Variants in KIAA1958 observed in about 807,000 individuals in gnomAD.
KIAA1958 encodes uncharacterized protein KIAA1958.
A neutral mutation model predicts 47.2 loss-of-function variants in KIAA1958; 14 were observed. The ratio of observed to expected loss-of-function variants is 0.30; its 90% CI spans 0.20 to 0.46. KIAA1958 has a LOEUF of 0.46. Ranked by LOEUF, KIAA1958 falls within the 20% of genes least tolerant of loss-of-function variation. The pLI is 1.00. For missense variants in KIAA1958, 803 were observed against 909.2 expected (o/e 0.88, Z 1.50); for synonymous variants, 354 against 353.3 (o/e 1.00, Z -0.02).
intron 2 of KIAA1958, among the ~76,000 whole-genome samples, chr9:112,626,925 T>TA (rs139259325): frequency 6.6e-6 from 1 of 152,332 alleles, no homozygotes; most frequent in African/African-American, 2.4e-5. Flanking sequence ...TGCTCTTTCA[T>TA]ATGTGTGTTT....
intron 1 of KIAA1958, among the ~76,000 whole-genome samples, chr9:112,487,705 G>A (rs1833886768): frequency 6.6e-6 from 1 of 151,990 alleles, no homozygotes; most frequent in South Asian, 2.1e-4. Flanking sequence ...TTCTCCAAAA[G>A]GCTCTTCCGC....
At chr9:112,578,471 C>T (rs2131178484) in intron 2 of KIAA1958, among the ~76,000 whole-genome samples, 1 of 152,206 alleles carries the variant, frequency 6.6e-6, no homozygotes, top group East Asian at 1.9e-4. Context: ...TGCAGAAATA[C>T]TGCGTATCTT....
chr9:112,497,508 G>C (rs1834065788), intron 1 of KIAA1958, among the ~76,000 whole-genome samples: 1 of 152,162 alleles, frequency 6.6e-6, no homozygotes, highest in South Asian at 2.1e-4. Context: ...CTAGCCTCCA[G>C]AATTGTCAGA....
chr9:112,498,686 A>G (rs1192558908), intron 1 of KIAA1958, among the ~76,000 whole-genome samples: 2 of 152,192 alleles, frequency 1.3e-5, no homozygotes, highest in Non-Finnish European at 2.9e-5. Context: ...TAATATTTCA[A>G]TATGTGTATA....
chr9:112,610,416 C>T (rs1836306150), intron 2 of KIAA1958, among the ~76,000 whole-genome samples: 1 of 151,568 alleles, frequency 6.6e-6, no homozygotes, highest in African/African-American at 2.4e-5. Flanking sequence ...TCTTTCAAAA[C>T]ACGAATAAAG....
rs1165670525 is a variant in KIAA1958, at chr9:112,656,064, G to GA, written c.1345-3194dup. On this transcript the variant is annotated intron_variant, in intron 3 of 3. Coordinates refer to ENST00000337530, the MANE Select transcript of KIAA1958 (RefSeq NM_133465.4). ...CTACATTCTGAGGCTAAGAAGAAAA[G>GA]AAAAACAAAACTTTACAATGCATTT... 3.9e-5 allele frequency among the ~76,000 whole-genome samples: 6 copies of GA among 152,140 alleles called. No homozygotes were observed. The East Asian group carries it at 1.2e-3, about 29-fold the overall frequency.
chr9:112,506,649 ATAT>A (rs1182192530), intron 1 of KIAA1958, among the ~76,000 whole-genome samples: 1 of 150,780 alleles, frequency 6.6e-6, no homozygotes, highest in Admixed American at 6.6e-5. Context: ...TGCAGTGCTG[ATAT>A]TATTTTCTTT....
At chr9:112,658,617 A>G (rs915897327) in intron 3 of KIAA1958, among the ~76,000 whole-genome samples, 1 of 152,170 alleles carries the variant, frequency 6.6e-6, no homozygotes, top group Non-Finnish European at 1.5e-5. Flanking sequence ...TTTAAGCATT[A>G]CAGCCTTGGA....
At chr9:112,507,374 A>G (rs1834250393) in intron 1 of KIAA1958, among the ~76,000 whole-genome samples, 1 of 152,210 alleles carries the variant, frequency 6.6e-6, no homozygotes, top group Non-Finnish European at 1.5e-5. Flanking sequence ...TTTAAGAGAC[A>G]AGTTTTCAGT....
chr9:112,521,276 A>G (rs1834538838), intron 1 of KIAA1958, among the ~76,000 whole-genome samples: 1 of 151,992 alleles, frequency 6.6e-6, no homozygotes, highest in African/African-American at 2.4e-5. Context: ...TGGTGCAATC[A>G]TAGCTCACTG....
At chr9:112,658,957 T>A (rs537684665) in intron 3 of KIAA1958, among the ~76,000 whole-genome samples, 4 of 143,528 alleles carry the variant, frequency 2.8e-5, no homozygotes, top group African/African-American at 5.2e-5. Context: ...GAGGCGGAGC[T>A]TGCAGTGAGC....
intron 1 of KIAA1958, among the ~76,000 whole-genome samples, chr9:112,498,136 A>G (rs1444389314): frequency 6.6e-6 from 1 of 151,914 alleles, no homozygotes; most frequent in East Asian, 1.9e-4. Context: ...GTTCTGGCAC[A>G]GTTATTGACT....
intron 1 of KIAA1958, among the ~76,000 whole-genome samples, chr9:112,552,316 A>G (rs1835164701): frequency 6.6e-6 from 1 of 152,230 alleles, no homozygotes; most frequent in Non-Finnish European, 1.5e-5. Flanking sequence ...AGTTGGGTGG[A>G]CTGACAGAGG....
intron 1 of KIAA1958, among the ~76,000 whole-genome samples, chr9:112,550,801 C>T (rs1228079670): frequency 7.9e-5 from 12 of 152,076 alleles, no homozygotes; most frequent in Non-Finnish European, 1.2e-4. Context: ...CTGTGTGAAC[C>T]TATCACCTGT....
chr9:112,545,456 G>C (rs1835012156), intron 1 of KIAA1958, among the ~76,000 whole-genome samples: 1 of 152,168 alleles, frequency 6.6e-6, no homozygotes, highest in Admixed American at 6.5e-5. Context: ...AAACTGTCAA[G>C]TCAGGGTTTG....
chr9:112,521,198 A>G (rs1834537260), intron 1 of KIAA1958, among the ~76,000 whole-genome samples: 1 of 151,638 alleles, frequency 6.6e-6, no homozygotes, highest in African/African-American at 2.4e-5. Flanking sequence ...TAAATAGCCT[A>G]TGTTGTTGTT....
chr9:112,539,861 TTTC>T (rs1834912289), intron 1 of KIAA1958, among the ~76,000 whole-genome samples: 1 of 152,030 alleles, frequency 6.6e-6, no homozygotes, highest in Non-Finnish European at 1.5e-5. Context: ...TGGCTAATTT[TTTC>T]TATTTTTTGA....
intron 2 of KIAA1958, among the ~76,000 whole-genome samples, chr9:112,628,016 G>C (rs1187518048): frequency 6.6e-6 from 1 of 152,120 alleles, no homozygotes. Context: ...ACTACACATT[G>C]TTAAAATTTA....
chr9:112,627,441 T>G (rs1331759654), intron 2 of KIAA1958, among the ~76,000 whole-genome samples: 3 of 152,230 alleles, frequency 2.0e-5, no homozygotes, highest in Non-Finnish European at 2.9e-5. Flanking sequence ...TCATGGCTTA[T>G]TGTTTGAATT....
Sources: allele counts gnomAD v4.1 joint callset (sites outside exome capture counted in the v4.1 genomes callset), GRCh38; gene constraint gnomAD v4.1.1; transcripts MANE v1.5; gene names NCBI Gene and HGNC (gene_info 2026-07-23, HGNC 2026-07-21).